CACNA2D1: variants seen among roughly 807,000 people sequenced by gnomAD.
The protein encoded by CACNA2D1 is calcium voltage-gated channel auxiliary subunit alpha2delta 1.
A neutral mutation model predicts 171.5 loss-of-function variants in CACNA2D1; 53 were observed. That is an observed-to-expected ratio of 0.31 (90% CI 0.25 to 0.39). The LOEUF (loss-of-function observed/expected upper bound fraction) is 0.39, where lower values mean the gene tolerates loss of function less well. Among genes scored for constraint, CACNA2D1 ranks in the 10% least tolerant of loss-of-function variants. CACNA2D1 has a pLI of 1.00. For missense variants in CACNA2D1, 903 were observed against 1,299.8 expected, an observed-to-expected ratio of 0.69 and a Z score of 4.69; for synonymous variants, 442 against 443.1, an observed-to-expected ratio of 1.00 and a Z score of 0.03.
chr7:82,221,410 G>C (rs1040217886), intron 3 of CACNA2D1, among the ~76,000 whole-genome samples: 1 of 152,126 alleles, frequency 6.6e-6, no homozygotes, highest in South Asian at 2.1e-4. Flanking sequence ...ATTTTCTACA[G>C]TAGATTCTCT....
chr7:82,294,455 ATAAT>A (rs71967257), intron 3 of CACNA2D1, among the ~76,000 whole-genome samples: 16,228 of 151,976 alleles, frequency 0.11, 1,919 homozygotes, highest in African/African-American at 0.29. Flanking sequence ...TATTTTTACT[ATAAT>A]TAAGTTTTCT....
chr7:82,226,994 C>G (rs1802432675), intron 3 of CACNA2D1, among the ~76,000 whole-genome samples: 1 of 152,014 alleles, frequency 6.6e-6, no homozygotes, highest in South Asian at 2.1e-4. Flanking sequence ...TTTTATATTA[C>G]CTTGGCACTT....
rs1806721502 is a variant in CACNA2D1, at chr7:82,060,418, T to C, written c.879+10A>G. On this transcript the variant is annotated intron_variant, in intron 10 of 38. Transcript: ENST00000356860. The stretch of plus-strand genomic sequence containing the variant: ...TTTAATTCAGGAAAATGCAGTCATC[T>C]TATACTTACTGAAGCTACATTCACG... The C allele has an allele frequency of 6.4e-7, 1 of 1,567,422 alleles. No homozygotes were observed. The highest frequency in any genetic ancestry group is 1.4e-5 in the African/African-American group (1 of 73,324).
intron 3 of CACNA2D1, among the ~76,000 whole-genome samples, chr7:82,296,110 G>A (rs577213628): frequency 1.8e-3 from 267 of 151,358 alleles, no homozygotes; most frequent in Admixed American, 2.5e-3. Flanking sequence ...GGACTGTTGC[G>A]GGGTGGGGGA....
intron 1 of CACNA2D1, among the ~76,000 whole-genome samples, chr7:82,405,195 G>A (rs1044259031): frequency 6.6e-6 from 1 of 152,038 alleles, no homozygotes; most frequent in Non-Finnish European, 1.5e-5. Context: ...GACAATAAAT[G>A]CTCTCAATTT....
intron 3 of CACNA2D1, among the ~76,000 whole-genome samples, chr7:82,287,058 A>G (rs939522863): frequency 8.7e-4 from 133 of 152,212 alleles, no homozygotes; most frequent in African/African-American, 3.0e-3. Flanking sequence ...TAGTTCATTT[A>G]TTATTAATTA....
chr7:82,398,059 C>T (rs975356414), intron 1 of CACNA2D1, among the ~76,000 whole-genome samples: 1 of 152,122 alleles, frequency 6.6e-6, no homozygotes, highest in African/African-American at 2.4e-5. Flanking sequence ...AGGCTATGTC[C>T]AACTACTCTT....
intron 3 of CACNA2D1, among the ~76,000 whole-genome samples, chr7:82,217,659 CA>C (rs1801297841): frequency 6.6e-6 from 1 of 150,638 alleles, no homozygotes; most frequent in African/African-American, 2.4e-5. Context: ...CACACACACA[CA>C]CACAATCTTT....
At chr7:82,003,363 T>A (rs1798792107) in intron 18 of CACNA2D1, among the ~76,000 whole-genome samples, 2 of 151,978 alleles carry the variant, frequency 1.3e-5, no homozygotes, top group South Asian at 4.1e-4. Flanking sequence ...AAATATCAAT[T>A]GGGCTTTAAT....
rs773759854 is a variant in CACNA2D1 at position 81,970,769 on chromosome 7, T to C, written c.2142-32A>G. 5 of 1,326,810 alleles carry C rather than the reference T, an allele frequency of 3.8e-6. No homozygotes were observed. The Admixed American group carries it at 6.7e-5, about 18-fold the overall frequency. The allele number at this position is 1,326,810 out of a possible 1,614,324, so 82.2% of individuals were successfully genotyped here. ...CAGAAGACAAAACAAGGAAATGTTCTATTGAACATATTCTAAAAAACAAAG... is the reference window on the plus strand; with the variant it reads ...CAGAAGACAAAACAAGGAAATGTTCCATTGAACATATTCTAAAAAACAAAG... On this transcript the variant is annotated intron_variant, in intron 26 of 38. Coordinates refer to ENST00000356860, the MANE Select transcript of CACNA2D1 (RefSeq NM_000722.4).
At chr7:82,116,751 G>T (rs1357209809) in intron 6 of CACNA2D1, among the ~76,000 whole-genome samples, 2 of 152,152 alleles carry the variant, frequency 1.3e-5, no homozygotes, top group Admixed American at 1.3e-4. Flanking sequence ...TATATACTTT[G>T]TAAGTTATGG....
intron 3 of CACNA2D1, among the ~76,000 whole-genome samples, chr7:82,272,817 T>A (rs1808812862): frequency 6.6e-6 from 1 of 152,058 alleles, no homozygotes; most frequent in African/African-American, 2.4e-5. Flanking sequence ...ACAGTGAAAA[T>A]TTAAAAAGTA....
chr7:82,291,372 T>TTATC (rs35609852), intron 3 of CACNA2D1, among the ~76,000 whole-genome samples: 13,533 of 135,590 alleles, frequency 0.1, 1,627 homozygotes, highest in African/African-American at 0.28. Context: ...ATAGATATCT[T>TTATC]TATACATCTA....
chr7:81,976,961 T>A (rs532550433), intron 24 of CACNA2D1, among the ~76,000 whole-genome samples: 129 of 152,278 alleles, frequency 8.5e-4, no homozygotes, highest in African/African-American at 3.0e-3. Context: ...GAAGAGACAA[T>A]GGGGTTTTCT....
intron 3 of CACNA2D1, among the ~76,000 whole-genome samples, chr7:82,176,717 G>A (rs1336026191): frequency 1.3e-5 from 2 of 151,506 alleles, no homozygotes; most frequent in Non-Finnish European, 2.9e-5. Context: ...AAGAAGCCTA[G>A]TGTGTTTGCT....
rs765047961 is a variant in CACNA2D1, at chr7:82,265,416, CTTT to C, written c.294+69716_294+69718del. Among the ~76,000 whole-genome samples the C allele has an allele frequency of 2.0e-3, 158 of 77,300 alleles. 1 individual carries two copies. The highest frequency in any genetic ancestry group is 5.9e-3 in the African/African-American group (129 of 22,044). 50.7% of individuals were successfully genotyped at this position (77,300 alleles called of 152,430 possible). Reference sequence around the variant, plus strand: ...TATGCATATTAACAATTTTTCCTTTCTTTTTTTTTTTTTTTTTTTTTGGTGTCA... The same window carrying C: ...TATGCATATTAACAATTTTTCCTTTCTTTTTTTTTTTTTTTTTTGGTGTCA... On this transcript the variant is annotated intron_variant, in intron 3 of 38. Transcript: ENST00000356860.
At chr7:82,109,631 CTG>C (rs1213122313) in intron 6 of CACNA2D1, among the ~76,000 whole-genome samples, 7 of 152,070 alleles carry the variant, frequency 4.6e-5, no homozygotes, top group Middle Eastern at 3.4e-3. Flanking sequence ...AATTATTTGA[CTG>C]TTGTTCATGA....
intron 2 of CACNA2D1, among the ~76,000 whole-genome samples, chr7:82,339,473 C>G (rs7786293): frequency 0.084 from 12,810 of 152,200 alleles, 1,792 homozygotes; most frequent in African/African-American, 0.29. Context: ...AATAGGAGCT[C>G]CCTTACACAT....
intron 29 of CACNA2D1, 142 bp downstream of exon 29, chr7:81,968,741 TTTTA>T: frequency 3.4e-6 from 2 of 593,268 alleles, no homozygotes; most frequent in Non-Finnish European, 3.0e-6. Flanking sequence ...ACTAGTCATA[TTTTA>T]TTTAATTTTT....
Sources: allele counts gnomAD v4.1 joint callset (sites outside exome capture counted in the v4.1 genomes callset), GRCh38; gene constraint gnomAD v4.1.1; transcripts MANE v1.5; gene names NCBI Gene and HGNC (gene_info 2026-07-23, HGNC 2026-07-21).